Variants in PRIM2 observed in about 807,000 individuals in gnomAD.
PRIM2 encodes DNA primase subunit 2, also known as DNA primase large subunit.
PRIM2 carries 39 observed loss-of-function variants against 67.3 expected under a neutral mutation model. The ratio of observed to expected loss-of-function variants is 0.58; its 90% CI spans 0.45 to 0.76. The LOEUF (loss-of-function observed/expected upper bound fraction) is 0.76, where lower values mean the gene tolerates loss of function less well. Ranked by LOEUF, PRIM2 falls within the 30% of genes least tolerant of loss-of-function variation. The pLI is 0.00. For synonymous variants in PRIM2, 143 were observed against 198.7 expected, an observed-to-expected ratio of 0.72 and a Z score of 2.36; for missense variants, 398 against 598.7, an observed-to-expected ratio of 0.66 and a Z score of 3.50.
At chr6:57,333,666 G>T (rs938952761) in intron 5 of PRIM2, among the ~76,000 whole-genome samples, 1 of 151,122 alleles carries the variant, frequency 6.6e-6, no homozygotes, top group African/African-American at 2.4e-5. Flanking sequence ...TTTTCTTTTC[G>T]GTCCTGACAT....
intron 5 of PRIM2, among the ~76,000 whole-genome samples, chr6:57,329,750 T>G (rs1767991702): frequency 6.6e-6 from 1 of 152,180 alleles, no homozygotes. Context: ...CTTTCCTTTA[T>G]AAATTACCCA....
chr6:57,371,758 C>T (rs1769566269), intron 5 of PRIM2, among the ~76,000 whole-genome samples: 3 of 152,204 alleles, frequency 2.0e-5, no homozygotes, highest in Admixed American at 2.0e-4. Context: ...TCTCCTTTCA[C>T]CCTATCTCCC....
chr6:57,595,081 A>G (rs1776342835), intron 10 of PRIM2, among the ~76,000 whole-genome samples: 1 of 152,218 alleles, frequency 6.6e-6, no homozygotes, highest in African/African-American at 2.4e-5. Context: ...TACCCACCAG[A>G]ATGGCTAAAA....
At chr6:57,445,823 T>G (rs1772346154) in intron 7 of PRIM2, among the ~76,000 whole-genome samples, 1 of 152,206 alleles carries the variant, frequency 6.6e-6, no homozygotes, top group Admixed American at 6.5e-5. Context: ...CTGGTTACTA[T>G]TTTCACAGAA....
At chr6:57,335,158 T>A (rs1396680581) in intron 5 of PRIM2, among the ~76,000 whole-genome samples, 2 of 152,182 alleles carry the variant, frequency 1.3e-5, no homozygotes, top group African/African-American at 4.8e-5. Context: ...TCCGACAGGC[T>A]TAAAAAACGG....
the PRIM2 span, among the ~76,000 whole-genome samples, chr6:57,229,995 CTGCTTTTGATATT>C: frequency 6.6e-6 from 1 of 152,114 alleles, no homozygotes; most frequent in South Asian, 2.1e-4. Flanking sequence ...GGCTTGATAT[CTGCTTTTGATATT>C]TGCTTTTGTC....
At chr6:57,290,593 A>G in the PRIM2 span, among the ~76,000 whole-genome samples, 1 of 152,168 alleles carries the variant, frequency 6.6e-6, no homozygotes, top group African/African-American at 2.4e-5. Flanking sequence ...AAAATTGACC[A>G]CGTAATTGGA....
At chr6:57,353,161 G>T (rs1277309295) in intron 5 of PRIM2, among the ~76,000 whole-genome samples, 1 of 114,692 alleles carries the variant, frequency 8.7e-6, no homozygotes, top group African/African-American at 4.1e-5. Context: ...AAAAAAAAAA[G>T]CAGTCTTTGG....
intron 7 of PRIM2, chr6:57,497,349 T>C (rs1774026818): frequency 6.6e-6 from 1 of 152,178 alleles, no homozygotes; most frequent in Non-Finnish European, 1.5e-5. Flanking sequence ...TCTCTTAATA[T>C]CTTTTTTCCC....
chr6:57,593,210 G>T (rs1265379502), intron 10 of PRIM2, among the ~76,000 whole-genome samples: 2 of 152,152 alleles, frequency 1.3e-5, no homozygotes. Flanking sequence ...CTTCAGACCT[G>T]TCTTGACTTT....
chr6:57,375,831 G>A (rs1423477092), intron 5 of PRIM2, among the ~76,000 whole-genome samples: 1 of 151,892 alleles, frequency 6.6e-6, no homozygotes, highest in African/African-American at 2.4e-5. Flanking sequence ...TAGCCTATTG[G>A]GAGGCCAAGG....
intron 10 of PRIM2, among the ~76,000 whole-genome samples, chr6:57,573,431 T>C (rs1775898603): frequency 1.3e-5 from 2 of 152,150 alleles, no homozygotes; most frequent in Admixed American, 1.3e-4. Flanking sequence ...TATTACAGTC[T>C]ATTTAAATGA....
chr6:57,398,848 A>G (rs1184578267), intron 7 of PRIM2, among the ~76,000 whole-genome samples: 1 of 152,090 alleles, frequency 6.6e-6, no homozygotes, highest in Non-Finnish European at 1.5e-5. Flanking sequence ...GTGCATATAT[A>G]TTTAGGATGG....
intron 8 of PRIM2, among the ~76,000 whole-genome samples, chr6:57,516,427 A>C (rs1774488920): frequency 6.6e-6 from 1 of 152,186 alleles, no homozygotes; most frequent in Non-Finnish European, 1.5e-5. Context: ...TAGAATACTA[A>C]CGTTTCCTGG....
At chr6:57,306,884 A>G in the PRIM2 span, among the ~76,000 whole-genome samples, 2 of 152,238 alleles carry the variant, frequency 1.3e-5, no homozygotes, top group Non-Finnish European at 2.9e-5. Flanking sequence ...ATGGTTCAAC[A>G]AGGAACAGAT....
intron 8 of PRIM2, among the ~76,000 whole-genome samples, chr6:57,509,854 C>T (rs1361129545): frequency 1.3e-5 from 2 of 148,576 alleles, no homozygotes; most frequent in Non-Finnish European, 3.0e-5. Flanking sequence ...AATTTTAAAA[C>T]ATTTTAAATA....
chr6:57,232,387 C>A, the PRIM2 span, among the ~76,000 whole-genome samples: 1 of 152,126 alleles, frequency 6.6e-6, no homozygotes, highest in East Asian at 1.9e-4. Context: ...CCCATCTCTA[C>A]TACAAATACA....
At chr6:57,282,594 T>C in the PRIM2 span, among the ~76,000 whole-genome samples, 2,105 of 152,300 alleles carry the variant, frequency 0.014, 48 homozygotes, top group African/African-American at 0.048. Context: ...TATTTGAAGA[T>C]AGGGTCTTTA....
At chr6:57,348,571 G>A (rs566893298) in intron 5 of PRIM2, among the ~76,000 whole-genome samples, 491 of 152,160 alleles carry the variant, frequency 3.2e-3, no homozygotes, top group Non-Finnish European at 4.2e-3. Context: ...CTGGACTATA[G>A]GGGTTATAGT....
Sources: gnomAD v4.1 joint callset for allele counts (sites outside exome capture counted in the v4.1 genomes callset) on GRCh38, gnomAD v4.1.1 for gene constraint, MANE v1.5 for transcripts, NCBI Gene and HGNC (gene_info 2026-07-23, HGNC 2026-07-21) for gene names.